Variants in ATRNL1 observed in about 807,000 individuals in gnomAD.
ATRNL1 encodes attractin-like protein 1.
A neutral mutation model predicts 182.7 loss-of-function variants in ATRNL1; 95 were observed. The observed-to-expected ratio is 0.52, with a 90% CI of 0.44 to 0.62. The LOEUF is 0.62. Among genes scored for constraint, ATRNL1 ranks in the 20% least tolerant of loss-of-function variants. The probability of loss-of-function intolerance (pLI) is 0.00; values close to 1 mark genes in which losing one functional copy is unlikely to be tolerated. For synonymous variants in ATRNL1, 576 were observed against 568.3 expected, an observed-to-expected ratio of 1.01 and a Z score of -0.19; for missense variants, 1,471 against 1,679.5, an observed-to-expected ratio of 0.88 and a Z score of 2.17.
At chr10:115,401,200 C>T (rs1387993192) in intron 20 of ATRNL1, among the ~76,000 whole-genome samples, 5 of 151,986 alleles carry the variant, frequency 3.3e-5, no homozygotes, top group East Asian at 3.9e-4. Flanking sequence ...TTAGAATGGG[C>T]ACTTACAGAG....
intron 24 of ATRNL1, among the ~76,000 whole-genome samples, chr10:115,473,715 T>G (rs1481854362): frequency 6.6e-6 from 1 of 151,370 alleles, no homozygotes; most frequent in African/African-American, 2.4e-5. Flanking sequence ...CTTTTCTTTG[T>G]TGGAAAGCTT....
chr10:115,366,322 C>G, intron 19 of ATRNL1, among the ~76,000 whole-genome samples: 1 of 151,646 alleles, frequency 6.6e-6, no homozygotes, highest in East Asian at 1.9e-4. Context: ...TCTGTTTTGT[C>G]AGAGACTAGG....
intron 28 of ATRNL1, among the ~76,000 whole-genome samples, chr10:115,848,440 G>A (rs1555099605): frequency 1.3e-5 from 2 of 152,128 alleles, no homozygotes; most frequent in African/African-American, 4.8e-5. Context: ...ACGTTGAGTG[G>A]CATCAGAGGA....
At chr10:115,425,781 C>G (rs1554962752) in intron 20 of ATRNL1, among the ~76,000 whole-genome samples, 1 of 151,798 alleles carries the variant, frequency 6.6e-6, no homozygotes, top group Non-Finnish European at 1.5e-5. Flanking sequence ...GGTGTAGAAA[C>G]TGGTGTAGAA....
chr10:115,439,665 C>A (rs1846573228), intron 21 of ATRNL1, among the ~76,000 whole-genome samples: 1 of 151,830 alleles, frequency 6.6e-6, no homozygotes, highest in African/African-American at 2.4e-5. Flanking sequence ...TATGCTTAAA[C>A]TAAGGATTTT....
chr10:115,238,053 A>G (rs1402804255), intron 9 of ATRNL1, among the ~76,000 whole-genome samples: 3 of 152,004 alleles, frequency 2.0e-5, no homozygotes, highest in African/African-American at 7.2e-5. Context: ...CCATATTTGT[A>G]TGTGTCTATT....
At chr10:115,652,157 T>C (rs917638220) in intron 26 of ATRNL1, among the ~76,000 whole-genome samples, 1 of 152,102 alleles carries the variant, frequency 6.6e-6, no homozygotes, top group African/African-American at 2.4e-5. Context: ...TTACATATTT[T>C]CATAGCTGTA....
At chr10:115,395,594 T>C (rs1419230798) in intron 20 of ATRNL1, among the ~76,000 whole-genome samples, 1 of 151,878 alleles carries the variant, frequency 6.6e-6, no homozygotes, top group South Asian at 2.1e-4. Flanking sequence ...ATTCTGATAA[T>C]TAATTCCAAT....
chr10:115,532,115 C>A (rs1554988448), intron 25 of ATRNL1, among the ~76,000 whole-genome samples: 3 of 151,644 alleles, frequency 2.0e-5, no homozygotes, highest in African/African-American at 4.8e-5. Flanking sequence ...GATGCGGGCT[C>A]TTTTTTGGTT....
At chr10:115,372,598 C>T (rs998631313) in intron 19 of ATRNL1, among the ~76,000 whole-genome samples, 12 of 151,994 alleles carry the variant, frequency 7.9e-5, no homozygotes, top group Admixed American at 5.9e-4. Context: ...TGTAAATATC[C>T]AGTGTTCCTA....
chr10:115,412,608 AT>A (rs1845197683), intron 20 of ATRNL1, among the ~76,000 whole-genome samples: 1 of 152,234 alleles, frequency 6.6e-6, no homozygotes, highest in Non-Finnish European at 1.5e-5. Flanking sequence ...TACATTAGAT[AT>A]TTTTGTAATA....
intron 13 of ATRNL1, among the ~76,000 whole-genome samples, chr10:115,273,479 A>G (rs1022155429): frequency 6.6e-6 from 1 of 152,118 alleles, no homozygotes; most frequent in Admixed American, 6.5e-5. Context: ...GTTCCTGACC[A>G]TACAGACAAA....
intron 24 of ATRNL1, among the ~76,000 whole-genome samples, chr10:115,490,844 G>T (rs1849265365): frequency 6.6e-6 from 1 of 152,090 alleles, no homozygotes; most frequent in South Asian, 2.1e-4. Context: ...TTTTGGGCTG[G>T]TTTCTCCCCA....
chr10:115,650,026 A>G (rs1859885339), intron 26 of ATRNL1, among the ~76,000 whole-genome samples: 1 of 152,148 alleles, frequency 6.6e-6, no homozygotes, highest in Non-Finnish European at 1.5e-5. Flanking sequence ...TTCTTTACAA[A>G]GTATCTTTTC....
chr10:115,536,575 A>G (rs1430871520), intron 25 of ATRNL1, among the ~76,000 whole-genome samples: 2 of 152,202 alleles, frequency 1.3e-5, no homozygotes, highest in East Asian at 3.9e-4. Context: ...AAGTGAGGCA[A>G]TGCCTCGCCC....
intron 24 of ATRNL1, among the ~76,000 whole-genome samples, chr10:115,517,689 A>G (rs1404263815): frequency 6.6e-6 from 1 of 151,504 alleles, no homozygotes; most frequent in African/African-American, 2.4e-5. Context: ...TCCTATTCCA[A>G]TTTGTCTTAA....
rs574697730 is a variant in ATRNL1, at chr10:115,345,503, G to C, written c.3175+11084G>C. 3.9e-5 allele frequency among the ~76,000 whole-genome samples: 6 copies of C among 152,280 alleles called. No individual in the cohort carries two copies. In the South Asian group the frequency reaches 1.2e-3, roughly 32 times the overall value. On this transcript the variant is annotated intron_variant, in intron 19 of 28. Transcript: ENST00000355044. The stretch of plus-strand genomic sequence containing the variant: ...GGGAGAGGGCTGATGTTGGCAATTG[G>C]AGAATTTTTAAGAAATCACTTCAGT...
chr10:115,389,668 C>T (rs142149678), intron 19 of ATRNL1, among the ~76,000 whole-genome samples: 2,335 of 144,338 alleles, frequency 0.016, 33 homozygotes, highest in Non-Finnish European at 0.024. Flanking sequence ...CACAGGAGTA[C>T]GACTATCTCT....
At chr10:115,463,985 T>C (rs1847936745) in intron 22 of ATRNL1, among the ~76,000 whole-genome samples, 1 of 152,090 alleles carries the variant, frequency 6.6e-6, no homozygotes, top group East Asian at 1.9e-4. Context: ...CATATACTTA[T>C]GTCCAGATTA....
Sources: allele counts gnomAD v4.1 joint callset (sites outside exome capture counted in the v4.1 genomes callset), GRCh38; gene constraint gnomAD v4.1.1; transcripts MANE v1.5; gene names NCBI Gene and HGNC (gene_info 2026-07-23, HGNC 2026-07-21).